Variants in KCNQ3 observed in about 807,000 individuals in gnomAD.
The protein encoded by KCNQ3 is potassium voltage-gated channel subfamily KQT member 3.
In KCNQ3, 30 loss-of-function variants were observed where a neutral mutation model predicts 92.5. The ratio of observed to expected loss-of-function variants is 0.32; its 90% CI spans 0.24 to 0.44. The LOEUF (loss-of-function observed/expected upper bound fraction) is 0.44. KCNQ3 is among the 20% of genes least tolerant of loss of function. The pLI is 1.00. For synonymous variants in KCNQ3, 450 were observed against 468.8 expected, an observed-to-expected ratio of 0.96 and a Z score of 0.52; for missense variants, 913 against 1,140.3, an observed-to-expected ratio of 0.80 and a Z score of 2.87.
At chr8:132,279,494 G>C (rs1453723633) in intron 1 of KCNQ3, among the ~76,000 whole-genome samples, 1 of 152,174 alleles carries the variant, frequency 6.6e-6, no homozygotes, top group East Asian at 1.9e-4. Flanking sequence ...AGAATCTATG[G>C]ACGTGAAGAC....
At chr8:132,269,905 G>A (rs1169428404) in intron 1 of KCNQ3, among the ~76,000 whole-genome samples, 2 of 152,104 alleles carry the variant, frequency 1.3e-5, no homozygotes, top group African/African-American at 4.8e-5. Flanking sequence ...TTTGCATTCA[G>A]CCAACAGCCA....
At chr8:132,185,655 G>A (rs1445706541) in intron 2 of KCNQ3, among the ~76,000 whole-genome samples, 4 of 152,226 alleles carry the variant, frequency 2.6e-5, no homozygotes, top group Non-Finnish European at 5.9e-5. Flanking sequence ...GGGAGATTTA[G>A]AGGTTTCGTG....
chr8:132,427,852 C>T (rs1391828260), intron 1 of KCNQ3, among the ~76,000 whole-genome samples: 1 of 152,144 alleles, frequency 6.6e-6, no homozygotes, highest in Non-Finnish European at 1.5e-5. Context: ...CATAAAGAGG[C>T]CCAGATCTCT....
rs754896169 is a variant in KCNQ3, at chr8:132,129,530, C to T, written c.2351G>A (p.Arg784Gln). ...ISPRQRRSIT[R>Q]DSDTPLSLMS... ...CAGGGACAGAGGTGTGTCACTGTCTCGCGTGATGCTACGTCTCTGCCGGGG... is the reference window on the plus strand; with the variant it reads ...CAGGGACAGAGGTGTGTCACTGTCTTGCGTGATGCTACGTCTCTGCCGGGG... The change falls in exon 15 of 15, where the codon CGA becomes CAA. Residue 784 changes from arginine to glutamine, a missense_variant. Coordinates refer to ENST00000388996, the MANE Select transcript of KCNQ3 (RefSeq NM_004519.4). The surrounding 1 kb of genome is among the most constrained non-coding windows in gnomAD (Gnocchi z 5.9). The T allele has an allele frequency of 1.1e-5, 18 of 1,614,072 alleles. No homozygotes were observed. The highest frequency in any genetic ancestry group is 4.0e-5 in the African/African-American group (3 of 74,918).
chr8:132,250,364 T>C (rs1461325309), intron 1 of KCNQ3, among the ~76,000 whole-genome samples: 1 of 152,198 alleles, frequency 6.6e-6, no homozygotes, highest in Non-Finnish European at 1.5e-5. Flanking sequence ...TCTTCAGCAA[T>C]TCTTTAATGA....
intron 1 of KCNQ3, among the ~76,000 whole-genome samples, chr8:132,474,266 T>C (rs2597365): frequency 0.91 from 139,058 of 152,262 alleles, 63,559 homozygotes; most frequent in East Asian, 0.92. Context: ...CATTCATATA[T>C]ACTATTCTTT....
rs773623235 is a variant in KCNQ3, at chr8:132,480,428, C to T, written c.105G>A (p.Ala35=). Residue 35 remains alanine (A), a synonymous_variant, in exon 1 of 15, where the codon GCG becomes GCA. Transcript: ENST00000388996. The part of the protein sequence containing the change: ...AANPAGGDAA[A]AGDEERKVGL... ...CCACTTTCCGCTCCTCGTCGCCGGC[C>T]GCCGCCGCGTCCCCTCCGGCTGGGT... is the stretch of plus-strand genomic sequence containing the variant. The T allele has an allele frequency of 6.8e-7, 1 of 1,465,202 alleles. No individual in the cohort carries two copies. Among genetic ancestry groups the T allele is most frequent in the Non-Finnish European group, 9.0e-7 (1 of 1,112,048 alleles). The allele number at this position is 1,465,202 out of a possible 1,614,324, so 90.8% of individuals were successfully genotyped here.
intron 1 of KCNQ3, among the ~76,000 whole-genome samples, chr8:132,436,516 C>T (rs978611809): frequency 6.6e-6 from 1 of 152,140 alleles, no homozygotes; most frequent in Non-Finnish European, 1.5e-5. Context: ...CATACCTTAC[C>T]TTACAATGAA....
At chr8:132,369,548 T>C (rs1437954142) in intron 1 of KCNQ3, among the ~76,000 whole-genome samples, 2 of 150,516 alleles carry the variant, frequency 1.3e-5, no homozygotes, top group Non-Finnish European at 2.9e-5. Flanking sequence ...CTCATGGTAC[T>C]ACAAAGTAAG....
At chr8:132,236,441 G>C (rs1814818177) in intron 1 of KCNQ3, among the ~76,000 whole-genome samples, 1 of 152,118 alleles carries the variant, frequency 6.6e-6, no homozygotes, top group Non-Finnish European at 1.5e-5. Context: ...AGGTAGTGTT[G>C]ACAATGAAAA....
intron 1 of KCNQ3, among the ~76,000 whole-genome samples, chr8:132,421,550 G>A (rs1820967461): frequency 6.6e-6 from 1 of 152,232 alleles, no homozygotes; most frequent in South Asian, 2.1e-4. Flanking sequence ...TGGGTCGGGG[G>A]AACAAAATGG....
intron 9 of KCNQ3, 104 bp from the exon 10 acceptor site, chr8:132,141,435 G>T (rs1825293324): frequency 5.9e-6 from 6 of 1,009,186 alleles, no homozygotes; most frequent in Non-Finnish European, 9.1e-6. Context: ...AGGAGAAATG[G>T]GGACCGTGCA....
intron 1 of KCNQ3, among the ~76,000 whole-genome samples, chr8:132,340,470 A>G (rs903230183): frequency 2.0e-5 from 3 of 152,220 alleles, no homozygotes; most frequent in Non-Finnish European, 4.4e-5. Context: ...AGGGACATGG[A>G]TGAAGCTGGA....
At chr8:132,341,305 T>C (rs1194268586) in intron 1 of KCNQ3, among the ~76,000 whole-genome samples, 2 of 152,188 alleles carry the variant, frequency 1.3e-5, no homozygotes, top group Non-Finnish European at 2.9e-5. Flanking sequence ...TCAATCTGTT[T>C]CAACCTTCAA....
chr8:132,173,698 T>G (rs1460525260), intron 6 of KCNQ3, among the ~76,000 whole-genome samples: 1 of 152,226 alleles, frequency 6.6e-6, no homozygotes, highest in South Asian at 2.1e-4. Context: ...TGCAATCTGC[T>G]TTCATTATTA....
chr8:132,475,608 C>G (rs1319561906), intron 1 of KCNQ3, among the ~76,000 whole-genome samples: 2 of 152,146 alleles, frequency 1.3e-5, no homozygotes, highest in African/African-American at 4.8e-5. Context: ...AATTTCTAAG[C>G]AGCAAAGCAT....
chr8:132,257,377 TTATAA>T (rs1342665782), intron 1 of KCNQ3, among the ~76,000 whole-genome samples: 6 of 152,102 alleles, frequency 3.9e-5, no homozygotes, highest in Admixed American at 3.9e-4. Flanking sequence ...GATGTAAGTT[TTATAA>T]TATCAGTTAT....
chr8:132,444,148 A>G (rs1487830137), intron 1 of KCNQ3, among the ~76,000 whole-genome samples: 1 of 152,066 alleles, frequency 6.6e-6, no homozygotes, highest in Non-Finnish European at 1.5e-5. Flanking sequence ...CACTCCATCA[A>G]CCCCTATTTC....
intron 1 of KCNQ3, among the ~76,000 whole-genome samples, chr8:132,391,597 T>G (rs942950894): frequency 6.6e-6 from 1 of 152,116 alleles, no homozygotes; most frequent in Non-Finnish European, 1.5e-5. Context: ...AAGGATACAC[T>G]TGGGTACACA....
Sources: allele counts gnomAD v4.1 joint callset (sites outside exome capture counted in the v4.1 genomes callset), GRCh38; gene constraint gnomAD v4.1.1; non-coding constraint Gnocchi (gnomAD v3.1); transcripts MANE v1.5; gene names NCBI Gene and HGNC (gene_info 2026-07-23, HGNC 2026-07-21).